TTLL5: variants seen among roughly 807,000 people sequenced by gnomAD.
TTLL5 encodes tubulin polyglutamylase TTLL5.
TTLL5 carries 132 observed loss-of-function variants against 168.4 expected under a neutral mutation model. That is an observed-to-expected ratio of 0.78 (90% CI 0.68 to 0.91). TTLL5 has a LOEUF of 0.91. Among genes scored for constraint, TTLL5 ranks in the 40% least tolerant of loss-of-function variants. The pLI is 0.00. For missense variants in TTLL5, 1,545 were observed against 1,581.5 expected (o/e 0.98, Z 0.39); for synonymous variants, 546 against 558.6 (o/e 0.98, Z 0.32).
chr14:75,853,769 C>T (rs1013404965), intron 28 of TTLL5, among the ~76,000 whole-genome samples: 7 of 152,178 alleles, frequency 4.6e-5, no homozygotes, highest in East Asian at 1.9e-4. Context: ...TTTGGCTGGA[C>T]GCAGTGGCTT....
intron 31 of TTLL5, among the ~76,000 whole-genome samples, chr14:75,941,023 A>G (rs551082891): frequency 3.8e-4 from 58 of 152,338 alleles, no homozygotes; most frequent in African/African-American, 1.3e-3. Flanking sequence ...ATAGATGGAC[A>G]CTTGAGCTCT....
chr14:75,834,656 A>G (rs1043398491), intron 28 of TTLL5, among the ~76,000 whole-genome samples: 4 of 152,186 alleles, frequency 2.6e-5, no homozygotes, highest in African/African-American at 9.7e-5. Context: ...TCTTTAGCCT[A>G]CTACAAGAAG....
rs1437150663 is a variant in TTLL5, at chr14:75,863,676, G to C, written c.3336G>C (p.Gln1112His). ...TTGCTTTTCTCTTCAGGAGCCTGCA[G>C]ACAGGGGGATTTGCCTGGGAAGGAG... is the stretch of plus-strand genomic sequence containing the variant. ...HSSSPGSRSL[Q>H]TGGFAWEGEV... The change falls in exon 29 of 32, where the codon CAG becomes CAC. Residue 1112 changes from glutamine (Q) to histidine (H), a missense_variant. Coordinates refer to ENST00000298832, the MANE Select transcript of TTLL5 (RefSeq NM_015072.5). The C allele has an allele frequency of 6.2e-7, 1 of 1,609,262 alleles. No homozygotes were observed. The highest frequency in any genetic ancestry group is 8.5e-7 in the Non-Finnish European group (1 of 1,177,852).
intron 28 of TTLL5, among the ~76,000 whole-genome samples, chr14:75,857,532 C>T (rs1897194150): frequency 6.7e-6 from 1 of 149,880 alleles, no homozygotes; most frequent in South Asian, 2.1e-4. Context: ...TGTCAGATTT[C>T]TGTATTAGAG....
intron 1 of TTLL5, 162 bp downstream of exon 1, chr14:75,661,549 G>C (rs1188483808): frequency 7.2e-5 from 11 of 152,326 alleles, no homozygotes; most frequent in African/African-American, 1.4e-4. Flanking sequence ...GTCCTTCCCG[G>C]GGGGAGCATC....
intron 3 of TTLL5, among the ~76,000 whole-genome samples, chr14:75,678,195 AAAATT>A (rs1884330580): frequency 6.6e-6 from 1 of 152,240 alleles, no homozygotes; most frequent in Non-Finnish European, 1.5e-5. Flanking sequence ...TTTATTTAGA[AAAATT>A]AAAAACCTTC....
At chr14:75,866,737 A>G (rs1054366189) in intron 29 of TTLL5, among the ~76,000 whole-genome samples, 16 of 152,206 alleles carry the variant, frequency 1.1e-4, no homozygotes, top group African/African-American at 3.9e-4. Flanking sequence ...GGAAATGGAC[A>G]TCTCTCAGTA....
intron 28 of TTLL5, among the ~76,000 whole-genome samples, chr14:75,840,692 A>G (rs571177665): frequency 6.6e-6 from 1 of 152,322 alleles, no homozygotes; most frequent in Non-Finnish European, 1.5e-5. Context: ...TATAGGGTTT[A>G]TAATGAAAAT....
rs763643889 is a variant in TTLL5, at chr14:75,688,826, C to T, written c.372-1366C>T. Among the ~76,000 whole-genome samples, 40 of 152,116 alleles carry T rather than the reference C, an allele frequency of 2.6e-4. 1 individual carries two copies. The highest frequency in any genetic ancestry group is 1.8e-3 in the Admixed American group (28 of 15,268). ...GAGTAGGAAAAACACTTTGGTTTTT[C>T]CTCAATATCTCAGAATATAGCAGGA... On this transcript the variant is annotated intron_variant, in intron 5 of 31. Coordinates refer to ENST00000298832, the MANE Select transcript of TTLL5 (RefSeq NM_015072.5).
chr14:75,732,908 T>C (rs1888633354), intron 13 of TTLL5, among the ~76,000 whole-genome samples: 1 of 152,166 alleles, frequency 6.6e-6, no homozygotes, highest in Admixed American at 6.5e-5. Context: ...TTAAAAATCT[T>C]TTTTTTACTA....
chr14:75,862,156 G>A (rs561774724), intron 28 of TTLL5, among the ~76,000 whole-genome samples: 2 of 152,222 alleles, frequency 1.3e-5, no homozygotes, highest in African/African-American at 4.8e-5. Flanking sequence ...TGTCTTCAAG[G>A]TTCTGTACAT....
chr14:75,708,954 A>G (rs1333517885), intron 9 of TTLL5, among the ~76,000 whole-genome samples: 1 of 152,168 alleles, frequency 6.6e-6, no homozygotes, highest in African/African-American at 2.4e-5. Flanking sequence ...TACACTAACA[A>G]TAGCTGATGA....
Position 75,766,256 on chromosome 14 carries a change from A to G in TTLL5, c.1903A>G (p.Met635Val), listed in dbSNP as rs145086453. The G allele has an allele frequency of 5.3e-5, 85 of 1,613,990 alleles. No homozygotes were observed. Among genetic ancestry groups the G allele is most frequent in the African/African-American group, 2.3e-4 (17 of 74,924 alleles). Residue 635 changes from methionine (M) to valine (V), a missense_variant, in exon 20 of 32, where the codon ATG (methionine) becomes GTG (valine). Transcript: ENST00000298832. ...AGAAAATACACCCAAAGAAAATTCCATGAAAGTTCGTGAATGGAATAATAA... is the reference window on the plus strand; with the variant it reads ...AGAAAATACACCCAAAGAAAATTCCGTGAAAGTTCGTGAATGGAATAATAA... ...LVENTPKENSMKVREWNNKGG... is the reference protein window; with the variant it reads ...LVENTPKENSVKVREWNNKGG...
intron 18 of TTLL5, among the ~76,000 whole-genome samples, chr14:75,763,855 A>G (rs996116510): frequency 3.3e-5 from 5 of 152,122 alleles, no homozygotes; most frequent in Non-Finnish European, 4.4e-5. Context: ...GACTTGATGT[A>G]TTTAGCCTTG....
chr14:75,705,336 G>A (rs761890553), intron 7 of TTLL5, among the ~76,000 whole-genome samples: 2 of 152,192 alleles, frequency 1.3e-5, no homozygotes, highest in African/African-American at 4.8e-5. Context: ...TGTGTATAAT[G>A]TTATAGGTCA....
In TTLL5 at chr14:75,783,201, C is replaced by G; in HGVS notation, c.2657C>G (p.Ser886Cys). The stretch of plus-strand genomic sequence containing the variant: ...AAATTAGTTTATAGCAATTCCTCCT[C>G]TGGTCCTACTGCTACTCTGCAGAAA... ...EAKLVYSNSS[S>C]GPTATLQKIP... The change falls in exon 26 of 32, where the codon TCT becomes TGT. Residue 886 changes from serine (S) to cysteine (C), a missense_variant. Coordinates refer to ENST00000298832, the MANE Select transcript of TTLL5 (RefSeq NM_015072.5). 1 of 1,614,056 alleles carries G rather than the reference C, an allele frequency of 6.2e-7. No individual in the cohort carries two copies. Among genetic ancestry groups the G allele is most frequent in the South Asian group, 1.1e-5 (1 of 91,078 alleles).
At chr14:75,867,758 CAA>C (rs1399368296) in intron 29 of TTLL5, among the ~76,000 whole-genome samples, 38 of 90,682 alleles carry the variant, frequency 4.2e-4, no homozygotes, top group Admixed American at 6.5e-4. Flanking sequence ...AGACTGTCTC[CAA>C]AAAAAAAAAA....
At chr14:75,707,458 A>G (rs985546449) in intron 8 of TTLL5, among the ~76,000 whole-genome samples, 165 bp from the exon 9 acceptor site, 2 of 152,066 alleles carry the variant, frequency 1.3e-5, no homozygotes, top group African/African-American at 4.8e-5. Context: ...ATTATATAGT[A>G]TAATTATTAG....
intron 31 of TTLL5, among the ~76,000 whole-genome samples, chr14:75,928,342 C>CATATATATATATACATATATATATATAT (rs2034147311): frequency 1.2e-5 from 1 of 81,970 alleles, no homozygotes; most frequent in African/African-American, 4.7e-5. Flanking sequence ...ATGACAAAAA[C>CATATATATATATACATATATATATATAT]ATATATATAT....
Sources: gnomAD v4.1 joint callset for allele counts (sites outside exome capture counted in the v4.1 genomes callset) on GRCh38, gnomAD v4.1.1 for gene constraint, MANE v1.5 for transcripts, NCBI Gene and HGNC (gene_info 2026-07-23, HGNC 2026-07-21) for gene names.